Variants in AP4E1 observed in about 807,000 individuals in gnomAD.
AP4E1 encodes the protein AP-4 complex subunit epsilon-1.
Under a neutral mutation model 128.2 loss-of-function variants are expected in AP4E1, and 56 were observed. That is an observed-to-expected ratio of 0.44 (90% CI 0.35 to 0.55). The LOEUF (loss-of-function observed/expected upper bound fraction) is 0.55, where lower values mean the gene tolerates loss of function less well. Ranked by LOEUF, AP4E1 falls within the 20% of genes least tolerant of loss-of-function variation. The pLI is 0.00. For synonymous variants in AP4E1, 484 were observed against 473.1 expected (o/e 1.02, Z -0.30); for missense variants, 1,324 against 1,307.7 (o/e 1.01, Z -0.19).
chr15:50,915,702 G>T (rs2063622189), intron 3 of AP4E1, 131 bp downstream of exon 3: 1 of 1,143,804 alleles, frequency 8.7e-7, no homozygotes. Flanking sequence ...AACTTTAAAA[G>T]ATCACACTTC....
Position 50,997,565 on chromosome 15 carries a change from C to T in AP4E1, c.2586C>T (p.Pro862=), listed in dbSNP as rs2064894414. ...ATTCTGAGTCACTCACAGAACTGCC[C>T]TTGGTTGAGAAATTCTCATATTGTA... The part of the protein sequence containing the change: ...LLDSESLTEL[P]LVEKFSYCSL... Residue 862 remains proline, a synonymous_variant, in exon 18 of 21, where the codon CCC becomes CCT. Coordinates refer to ENST00000261842, the MANE Select transcript of AP4E1 (RefSeq NM_007347.5). The T allele has an allele frequency of 6.2e-7, 1 of 1,613,944 alleles. No individual in the cohort carries two copies. Among genetic ancestry groups the T allele is most frequent in the South Asian group, 1.1e-5 (1 of 91,076 alleles).
At position 50,917,451 on chromosome 15, in the gene AP4E1, T is replaced by C. The variant is rs1287680373; in HGVS notation, c.346+1880T>C. On this transcript the variant is annotated intron_variant, in intron 3 of 20. Transcript: ENST00000261842. ...TTCAACTTTGGGCCATTTTCTCTTA[T>C]TCCCTTTACATATTAGCTTACAGCA... 3.3e-5 allele frequency among the ~76,000 whole-genome samples: 5 copies of C among 152,338 alleles called. 1 individual carries two copies. Among genetic ancestry groups the C allele is most frequent in the Middle Eastern group, 3.4e-3 (1 of 294 alleles).
intron 15 of AP4E1, among the ~76,000 whole-genome samples, chr15:50,969,580 G>A (rs2064449265): frequency 6.6e-6 from 1 of 151,822 alleles, no homozygotes; most frequent in African/African-American, 2.4e-5. Flanking sequence ...TCCTTGTATA[G>A]TGTTTAGATC....
intron 3 of AP4E1, among the ~76,000 whole-genome samples, chr15:50,920,924 G>A (rs561972444): frequency 9.2e-5 from 14 of 151,986 alleles, no homozygotes; most frequent in African/African-American, 2.2e-4. Flanking sequence ...TCAGCCTCCC[G>A]AGTAACTGGG....
intron 13 of AP4E1, among the ~76,000 whole-genome samples, chr15:50,955,677 A>G (rs936390007): frequency 3.3e-5 from 5 of 152,188 alleles, no homozygotes; most frequent in African/African-American, 1.2e-4. Flanking sequence ...AAAGGCAGGG[A>G]CACTGTATTT....
intron 16 of AP4E1, among the ~76,000 whole-genome samples, chr15:50,989,429 C>T (rs911217474): frequency 6.6e-6 from 1 of 151,062 alleles, no homozygotes; most frequent in African/African-American, 2.4e-5. Context: ...AATAATAGAT[C>T]ATGAGGAATG....
intron 3 of AP4E1, among the ~76,000 whole-genome samples, chr15:50,916,627 G>A: frequency 6.6e-6 from 1 of 152,176 alleles, no homozygotes; most frequent in Non-Finnish European, 1.5e-5. Context: ...GGTGACAGAT[G>A]TCTTGGTAAA....
chr15:50,955,150 A>G (rs770709594), intron 13 of AP4E1, among the ~76,000 whole-genome samples: 1 of 152,196 alleles, frequency 6.6e-6, no homozygotes, highest in Non-Finnish European at 1.5e-5. Flanking sequence ...ATACGTGTGC[A>G]TGTGTCTTTA....
At chr15:50,986,465 A>T (rs963753363) in intron 16 of AP4E1, among the ~76,000 whole-genome samples, 1 of 152,164 alleles carries the variant, frequency 6.6e-6, no homozygotes, top group Admixed American at 6.6e-5. Context: ...AGCTCTTATT[A>T]TTTTGAGATA....
chr15:50,914,913 A>C (rs2063610901), intron 2 of AP4E1, among the ~76,000 whole-genome samples: 1 of 152,186 alleles, frequency 6.6e-6, no homozygotes, highest in Non-Finnish European at 1.5e-5. Flanking sequence ...TGAGTTATTA[A>C]AAAAGAGTGC....
intron 8 of AP4E1, among the ~76,000 whole-genome samples, chr15:50,938,358 T>A (rs11635015): frequency 8.6e-5 from 13 of 152,010 alleles, no homozygotes; most frequent in Admixed American, 3.3e-4. Context: ...CCTCTATTCC[T>A]TCCAAGCATA....
intron 4 of AP4E1, among the ~76,000 whole-genome samples, chr15:50,924,882 T>C (rs561534355): frequency 6.6e-6 from 1 of 152,246 alleles, no homozygotes; most frequent in South Asian, 2.1e-4. Context: ...TTTCCTCTTC[T>C]ATCAGTTGCT....
intron 14 of AP4E1, among the ~76,000 whole-genome samples, chr15:50,963,217 A>G (rs2064340489): frequency 6.6e-6 from 1 of 152,152 alleles, no homozygotes; most frequent in South Asian, 2.1e-4. Context: ...TGTTTCAAAA[A>G]AAACAACCCA....
At chr15:50,940,376 G>C (rs2063968619) in intron 8 of AP4E1, among the ~76,000 whole-genome samples, 1 of 151,432 alleles carries the variant, frequency 6.6e-6, no homozygotes, top group Admixed American at 6.6e-5. Context: ...TTGTAAATTT[G>C]AGAAAAAGAC....
Position 50,959,098 on chromosome 15 carries a change from C to G in AP4E1, c.1851+304C>G, listed in dbSNP as rs561795005. The stretch of plus-strand genomic sequence containing the variant: ...TGGTGGTACATGCCTGTAATCCCAG[C>G]TACTTGGGAGACTGAGACAGGAGAA... On this transcript the variant is annotated intron_variant, in intron 14 of 20. Transcript: ENST00000261842. Among the ~76,000 whole-genome samples the G allele has an allele frequency of 3.9e-5, 6 of 152,044 alleles. No homozygotes were observed. In the South Asian group the frequency reaches 1.2e-3, roughly 32 times the overall value.
chr15:50,988,383 C>T (rs1009803794), intron 16 of AP4E1, among the ~76,000 whole-genome samples: 8 of 133,126 alleles, frequency 6.0e-5, no homozygotes, highest in East Asian at 2.5e-4. Flanking sequence ...GGCATGATCT[C>T]GATTCACTGC....
chr15:50,939,473 G>A (rs1486104205), intron 8 of AP4E1, among the ~76,000 whole-genome samples: 2 of 151,752 alleles, frequency 1.3e-5, no homozygotes, highest in African/African-American at 2.4e-5. Flanking sequence ...CACCACCACA[G>A]AGAGGAGACA....
At chr15:50,915,928 C>CT (rs1189898509) in intron 3 of AP4E1, 17 of 216,558 alleles carry the variant, frequency 7.9e-5, no homozygotes, top group East Asian at 3.8e-4. Context: ...ATAAAGAGCT[C>CT]TTTTTTTTGT....
At chr15:50,945,237 AC>A in intron 10 of AP4E1, 1 of 788,704 alleles carries the variant, frequency 1.3e-6, no homozygotes, top group South Asian at 1.3e-5. Context: ...ATGTTCAATG[AC>A]CTGGGGATTT....
Sources: allele counts gnomAD v4.1 joint callset (sites outside exome capture counted in the v4.1 genomes callset), GRCh38; gene constraint gnomAD v4.1.1; transcripts MANE v1.5; gene names NCBI Gene and HGNC (gene_info 2026-07-23, HGNC 2026-07-21).